Variants in NSUN2 observed in about 807,000 individuals in gnomAD.
NSUN2 encodes NOP2/Sun RNA methyltransferase 2, also known as RNA cytosine C(5)-methyltransferase NSUN2.
NSUN2 carries 63 observed loss-of-function variants against 92.7 expected under a neutral mutation model. The observed-to-expected ratio is 0.68, with a 90% confidence interval of 0.56 to 0.84. NSUN2 has a LOEUF of 0.84. Ranked by LOEUF, NSUN2 falls within the 40% of genes least tolerant of loss-of-function variation. NSUN2 has a pLI of 0.00. For missense variants in NSUN2, 989 were observed against 964.9 expected, an observed-to-expected ratio of 1.02 and a Z score of -0.33; for synonymous variants, 356 against 348.3, an observed-to-expected ratio of 1.02 and a Z score of -0.25.
intron 5 of NSUN2, 75 bp downstream of exon 5, chr5:6,623,139 G>T (rs1737522765): frequency 8.0e-7 from 1 of 1,251,810 alleles, no homozygotes; most frequent in Non-Finnish European, 1.1e-6. Context: ...AAGAAAAAAT[G>T]GTTTCATCAA....
chr5:6,601,464 C>T lies in NSUN2; in HGVS notation c.1997+997G>A, dbSNP rs182920111. On this transcript the variant is annotated intron_variant, in intron 18 of 18. Coordinates refer to ENST00000264670, the MANE Select transcript of NSUN2 (RefSeq NM_017755.6). The stretch of plus-strand genomic sequence containing the variant: ...CTCGGCCTCGCTGACCTCTCCAGCC[C>T]ATCCATCTGTTGTTCCCTCACCAAG... Among the ~76,000 whole-genome samples, 27 of 152,226 alleles carry T rather than the reference C, an allele frequency of 1.8e-4. No individual in the cohort carries two copies. In the East Asian group the frequency reaches 4.8e-3, roughly 27 times the overall value.
At chr5:6,602,006 A>G (rs1261670854) in intron 18 of NSUN2, among the ~76,000 whole-genome samples, 1 of 150,992 alleles carries the variant, frequency 6.6e-6, no homozygotes, top group Non-Finnish European at 1.5e-5. Flanking sequence ...AGCGTGGAGC[A>G]GTGGTCCCGT....
intron 5 of NSUN2, 72 bp from the exon 6 acceptor site, chr5:6,622,172 C>T: frequency 1.6e-6 from 2 of 1,238,032 alleles, no homozygotes; most frequent in Non-Finnish European, 2.3e-6. Context: ...TAAAGCAATT[C>T]TAGTTTTTCA....
Position 6,605,791 on chromosome 5 carries a change from G to A in NSUN2, c.1602-383C>T, listed in dbSNP as rs565314522. ...CAGCTCACTGCAACCTCTGCCTCCC[G>A]GGTTGAAGCGGTTCTCCTGCCTCAG... On this transcript the variant is annotated intron_variant, in intron 14 of 18. Transcript: ENST00000264670. Among the ~76,000 whole-genome samples the A allele has an allele frequency of 7.9e-5, 12 of 151,360 alleles. No individual in the cohort carries two copies. The East Asian group carries it at 1.2e-3, about 15-fold the overall frequency.
At chr5:6,625,834 C>T (rs1367704087) in intron 3 of NSUN2, among the ~76,000 whole-genome samples, 165 bp from the exon 4 acceptor site, 1 of 152,210 alleles carries the variant, frequency 6.6e-6, no homozygotes, top group Non-Finnish European at 1.5e-5. Flanking sequence ...AGAGATGTCG[C>T]TGTAGGCTTA....
chr5:6,625,566 A>C lies in NSUN2; in HGVS notation c.463T>G (p.Ser155Ala). 6.2e-7 allele frequency: 1 copy of C among 1,607,334 alleles called. No individual in the cohort carries two copies. ...CAAGTCTAAAGAAATCAACTTACAG[A>C]TTCTGTTTCACTAACTAGAAACTGA... ...FHQFLVSETE[S>A]GNISRQEAVS... Residue 155 changes from serine (S) to alanine (A), a missense_variant and splice_region_variant, in exon 4 of 19, where the codon TCT becomes GCT. Around this residue, in one of 3 missense-constraint regions of NSUN2, gnomAD observed 356 missense variants for 338.6 expected, o/e 1.05. Coordinates refer to ENST00000264670, the MANE Select transcript of NSUN2 (RefSeq NM_017755.6).
At chr5:6,627,013 C>T (rs923102430) in intron 3 of NSUN2, among the ~76,000 whole-genome samples, 1 of 152,142 alleles carries the variant, frequency 6.6e-6, no homozygotes, top group African/African-American at 2.4e-5. Flanking sequence ...CAAAATATTA[C>T]AAAATATACC....
chr5:6,626,202 A>C (rs1375038589), intron 3 of NSUN2, among the ~76,000 whole-genome samples: 1 of 152,236 alleles, frequency 6.6e-6, no homozygotes, highest in Non-Finnish European at 1.5e-5. Context: ...CTTGGAAACC[A>C]CTAATGCATT....
intron 7 of NSUN2, among the ~76,000 whole-genome samples, chr5:6,618,833 G>A (rs1474512213): frequency 6.6e-6 from 1 of 152,160 alleles, no homozygotes; most frequent in South Asian, 2.1e-4. Flanking sequence ...TTTCCCAGAA[G>A]GTAACGCCTG....
chr5:6,605,659 G>A (rs1372771178), intron 14 of NSUN2, among the ~76,000 whole-genome samples: 1 of 151,140 alleles, frequency 6.6e-6, no homozygotes, highest in East Asian at 1.9e-4. Context: ...TCCCTCAGCC[G>A]CTACTCCAAT....
chr5:6,632,451 G>C, intron 2 of NSUN2, 148 bp downstream of exon 2: 1 of 867,422 alleles, frequency 1.2e-6, no homozygotes, highest in Non-Finnish European at 1.8e-6. Flanking sequence ...ATTGGACCCT[G>C]TGCTCCCCAC....
intron 9 of NSUN2, 90 bp from the exon 10 acceptor site, chr5:6,611,888 T>A: frequency 1.8e-6 from 2 of 1,105,856 alleles, no homozygotes; most frequent in Non-Finnish European, 2.7e-6. Context: ...AGATCACATA[T>A]TATATGATTC....
At chr5:6,603,640 A>C (rs1467940646) in intron 17 of NSUN2, among the ~76,000 whole-genome samples, 1 of 152,196 alleles carries the variant, frequency 6.6e-6, no homozygotes, top group African/African-American at 2.4e-5. Context: ...CAGTGAGCCG[A>C]GATCGTGCCA....
intron 9 of NSUN2, among the ~76,000 whole-genome samples, chr5:6,614,889 G>A (rs1737148745): frequency 6.6e-6 from 1 of 152,166 alleles, no homozygotes; most frequent in Admixed American, 6.5e-5. Context: ...ACAGGCTTGT[G>A]TGGACAAGAG....
chr5:6,631,716 TATA>T (rs1448936958), intron 3 of NSUN2, among the ~76,000 whole-genome samples, 154 bp downstream of exon 3: 2 of 152,228 alleles, frequency 1.3e-5, no homozygotes, highest in African/African-American at 2.4e-5. Flanking sequence ...TGCGTAGCAA[TATA>T]ATGTTGATAA....
In NSUN2 at chr5:6,632,879, C is replaced by T; in HGVS notation, c.96+5G>A. On this transcript the variant is annotated splice_donor_5th_base_variant and intron_variant, in intron 1 of 18. Coordinates refer to ENST00000264670, the MANE Select transcript of NSUN2 (RefSeq NM_017755.6). ...CTGGCCCGCCCGCCGGGTCCCGGCT[C>T]CTACCGCCTCGCCGCGCTTTCCACC... 6.5e-7 allele frequency: 1 copy of T among 1,533,594 alleles called. No homozygotes were observed. The highest frequency in any genetic ancestry group is 1.2e-5 in the South Asian group (1 of 84,040). 95.0% of individuals were successfully genotyped at this position (1,533,594 alleles called of 1,614,324 possible).
chr5:6,631,761 G>T lies in NSUN2; in HGVS notation c.359+112C>A, dbSNP rs543537642. On this transcript the variant is annotated intron_variant, in intron 3 of 18. Coordinates refer to ENST00000264670, the MANE Select transcript of NSUN2 (RefSeq NM_017755.6). ...CAGGTACTAGAACATTAGGATGTTT[G>T]CAAAGTATACCCAAGCTCTTTAACA... is the stretch of plus-strand genomic sequence containing the variant. 7 of 776,982 alleles carry T rather than the reference G, an allele frequency of 9.0e-6. No individual in the cohort carries two copies. The African/African-American group carries it at 1.0e-4, about 12-fold the overall frequency. 48.1% of individuals were successfully genotyped at this position (776,982 alleles called of 1,614,324 possible). A position where few individuals can be genotyped will look rare whatever the true frequency, so the allele number is the denominator to read the frequency against.
chr5:6,610,135 C>G (rs1040957702), intron 11 of NSUN2, among the ~76,000 whole-genome samples: 1 of 151,630 alleles, frequency 6.6e-6, no homozygotes. Context: ...GTGATCTCAA[C>G]CCACTGTAGC....
chr5:6,632,821 G>A (rs1171644008), intron 1 of NSUN2, 63 bp downstream of exon 1: 56 of 1,567,794 alleles, frequency 3.6e-5, no homozygotes, highest in Non-Finnish European at 4.6e-5. Flanking sequence ...CCGCCTCGCA[G>A]GCCTCGGGGT....
Sources: gnomAD v4.1 joint callset for allele counts (sites outside exome capture counted in the v4.1 genomes callset) on GRCh38, gnomAD v4.1.1 for gene constraint, gnomAD v4.1.1 regional missense constraint, MANE v1.5 for transcripts, NCBI Gene and HGNC (gene_info 2026-07-23, HGNC 2026-07-21) for gene names.